Variants in EMC2 observed in about 807,000 individuals in gnomAD.
EMC2 encodes the protein TPR repeat protein 35.
Under a neutral mutation model 51.6 loss-of-function variants are expected in EMC2, and 37 were observed. The ratio of observed to expected loss-of-function variants is 0.72; its 90% confidence interval spans 0.55 to 0.94. The LOEUF is 0.94. EMC2 is among the 40% of genes least tolerant of loss of function. The pLI is 0.00. For synonymous variants in EMC2, 131 were observed against 112.4 expected (o/e 1.17, Z -1.04); for missense variants, 359 against 350.9 (o/e 1.02, Z -0.18).
At chr8:108,480,711 C>CG (rs1811030702) in intron 10 of EMC2, among the ~76,000 whole-genome samples, 1 of 152,190 alleles carries the variant, frequency 6.6e-6, no homozygotes, top group Non-Finnish European at 1.5e-5. Context: ...TCTGAACCAT[C>CG]TCTCCTTCTT....
At chr8:108,473,486 C>A (rs1810895654) in intron 7 of EMC2, among the ~76,000 whole-genome samples, 1 of 151,998 alleles carries the variant, frequency 6.6e-6, no homozygotes, top group Non-Finnish European at 1.5e-5. Context: ...TGGTCCCAAG[C>A]ATTTTGGTTA....
Position 108,470,051 on chromosome 8 carries a change from C to G in EMC2, c.450-11C>G. The G allele has an allele frequency of 6.2e-7, 1 of 1,606,300 alleles. No homozygotes were observed. Among genetic ancestry groups the G allele is most frequent in the Non-Finnish European group, 8.5e-7 (1 of 1,176,836 alleles). On this transcript the variant is annotated splice_polypyrimidine_tract_variant and intron_variant, in intron 6 of 10. Transcript: ENST00000220853. ...CTACACACTTACTTTTTTTTCTTTT[C>G]CTCTCACCAGATTTGTTGGAGACCA...
At chr8:108,466,838 G>A (rs1810723291) in intron 5 of EMC2, among the ~76,000 whole-genome samples, 1 of 152,134 alleles carries the variant, frequency 6.6e-6, no homozygotes, top group South Asian at 2.1e-4. Context: ...CCTCATTCTG[G>A]TTGCTTGATA....
At position 108,488,471 on chromosome 8, in the gene EMC2, A is replaced by T. The variant is rs1264062120; in HGVS notation, c.*1873A>T. ...CACTGAGCCTGGCCAGTATCACTTT[A>T]TTTTTTCAAAATTTTAATAACTTCT... On this transcript the variant is annotated 3_prime_UTR_variant, in exon 11 of 11. Coordinates refer to ENST00000220853, the MANE Select transcript of EMC2 (RefSeq NM_014673.5). 6.6e-6 allele frequency among the ~76,000 whole-genome samples: 1 copy of T among 152,138 alleles called. No homozygotes were observed. Among genetic ancestry groups the T allele is most frequent in the East Asian group, 1.9e-4 (1 of 5,184 alleles).
intron 4 of EMC2, among the ~76,000 whole-genome samples, chr8:108,454,726 T>G (rs1024640877): frequency 2.0e-5 from 3 of 152,092 alleles, no homozygotes; most frequent in African/African-American, 7.2e-5. Flanking sequence ...ATTTTCCTTT[T>G]CTCTGAAGAG....
At chr8:108,455,336 G>A (rs1428930672) in intron 4 of EMC2, among the ~76,000 whole-genome samples, 4 of 152,002 alleles carry the variant, frequency 2.6e-5, no homozygotes, top group Non-Finnish European at 5.9e-5. Flanking sequence ...CTACTGATAA[G>A]CCCAAGCCCA....
intron 7 of EMC2, among the ~76,000 whole-genome samples, chr8:108,471,701 A>C (rs1342332213): frequency 6.6e-6 from 1 of 151,926 alleles, no homozygotes; most frequent in Non-Finnish European, 1.5e-5. Context: ...TAGTATTTTT[A>C]ACGAGTTTCC....
intron 5 of EMC2, among the ~76,000 whole-genome samples, chr8:108,457,401 CTA>C (rs1308937192): frequency 6.7e-6 from 1 of 149,406 alleles, no homozygotes; most frequent in African/African-American, 2.5e-5. Context: ...TTCATGCTGT[CTA>C]TGTATTAGTC....
chr8:108,476,317 A>T (rs1349218705), intron 8 of EMC2, among the ~76,000 whole-genome samples: 1 of 151,912 alleles, frequency 6.6e-6, no homozygotes, highest in African/African-American at 2.4e-5. Context: ...CAATTGGGAC[A>T]TAAGTATTTA....
chr8:108,455,896 A>G lies in EMC2; in HGVS notation c.329A>G (p.Tyr110Cys). The change falls in exon 5 of 11, where the codon TAT (tyrosine) becomes TGT (cysteine). Residue 110 changes from tyrosine (Y) to cysteine (C), a missense_variant. Tyr to Cys is a radical substitution (Grantham distance 194). Coordinates refer to ENST00000220853, the MANE Select transcript of EMC2 (RefSeq NM_014673.5). ...AGATATGATGATGCTATACAGCTATATGATAGGATTTTACAAGAAGATCCA... is the reference window on the plus strand; with the variant it reads ...AGATATGATGATGCTATACAGCTATGTGATAGGATTTTACAAGAAGATCCA... ...MERYDDAIQL[Y>C]DRILQEDPTN... 1 of 1,355,876 alleles carries G rather than the reference A, an allele frequency of 7.4e-7. No homozygotes were observed. The highest frequency in any genetic ancestry group is 1.0e-6 in the Non-Finnish European group (1 of 990,506). 84.0% of individuals were successfully genotyped at this position (1,355,876 alleles called of 1,614,324 possible).
chr8:108,476,990 T>A (rs1009914777), intron 9 of EMC2, 98 bp downstream of exon 9: 4 of 603,920 alleles, frequency 6.6e-6, no homozygotes, highest in African/African-American at 5.7e-5. Flanking sequence ...TTTTTTGTAT[T>A]TTATTGATAA....
chr8:108,446,778 T>C (rs1818886507), intron 1 of EMC2, among the ~76,000 whole-genome samples: 1 of 152,206 alleles, frequency 6.6e-6, no homozygotes, highest in Non-Finnish European at 1.5e-5. Flanking sequence ...ATAAATGTAT[T>C]TAAGGCATTT....
At chr8:108,449,716 C>T in intron 1 of EMC2, 107 bp from the exon 2 acceptor site, 1 of 564,290 alleles carries the variant, frequency 1.8e-6, no homozygotes, top group Non-Finnish European at 3.2e-6. Flanking sequence ...AGTTTATTTT[C>T]CTTACCTAAA....
At chr8:108,478,722 T>TA (rs1586192765) in intron 9 of EMC2, among the ~76,000 whole-genome samples, 1 of 152,048 alleles carries the variant, frequency 6.6e-6, no homozygotes, top group African/African-American at 2.4e-5. Context: ...ATTTAAATGA[T>TA]ATGGAATTTT....
chr8:108,486,302 T>C (rs1401617724), intron 10 of EMC2, among the ~76,000 whole-genome samples: 2 of 151,922 alleles, frequency 1.3e-5, no homozygotes, highest in Non-Finnish European at 2.9e-5. Context: ...CAGTGAACTC[T>C]CTGTACACTT....
intron 3 of EMC2, 120 bp downstream of exon 3, chr8:108,450,612 C>T: frequency 2.8e-6 from 2 of 712,596 alleles, no homozygotes; most frequent in Non-Finnish European, 2.6e-6. Flanking sequence ...CTACTCTGAA[C>T]AGTAAGTGGA....
Position 108,479,124 on chromosome 8 carries a change from G to T in EMC2, c.807+14G>T. ...AGAGCTTATCAGGTTAGTATTTATT[G>T]ATCATTTTGCTATGTAGGTCAGTTA... On this transcript the variant is annotated intron_variant, in intron 10 of 10. Coordinates refer to ENST00000220853, the MANE Select transcript of EMC2 (RefSeq NM_014673.5). 1 of 1,434,324 alleles carries T rather than the reference G, an allele frequency of 7.0e-7. No individual in the cohort carries two copies. The highest frequency in any genetic ancestry group is 1.4e-5 in the South Asian group (1 of 71,770). The allele number at this position is 1,434,324 out of a possible 1,614,324, so 88.8% of individuals were successfully genotyped here.
chr8:108,453,639 A>G (rs1819084148), intron 4 of EMC2, among the ~76,000 whole-genome samples: 1 of 152,098 alleles, frequency 6.6e-6, no homozygotes, highest in South Asian at 2.1e-4. Context: ...TCTAGACAAT[A>G]GGAACATTTA....
intron 5 of EMC2, among the ~76,000 whole-genome samples, chr8:108,456,332 C>CAAAAAAAAAAAAAAAAA (rs869162246): frequency 3.0e-4 from 7 of 23,608 alleles, no homozygotes; most frequent in Non-Finnish European, 4.6e-4. Flanking sequence ...GACTTCGTGT[C>CAAAAAAAAAAAAAAAAA]AAAAAAAAAA....
Sources: allele counts gnomAD v4.1 joint callset (sites outside exome capture counted in the v4.1 genomes callset), GRCh38; gene constraint gnomAD v4.1.1; transcripts MANE v1.5; gene names NCBI Gene and HGNC (gene_info 2026-07-23, HGNC 2026-07-21).